Variants in PCLO observed in about 807,000 individuals in gnomAD.
The protein encoded by PCLO is piccolo presynaptic cytomatrix protein.
In PCLO, 82 loss-of-function variants were observed where a neutral mutation model predicts 427.5. The ratio of observed to expected loss-of-function variants is 0.19; its 90% CI spans 0.16 to 0.23. The LOEUF (loss-of-function observed/expected upper bound fraction) is 0.23. PCLO is among the 10% of genes least tolerant of loss of function. The pLI is 1.00. For synonymous variants in PCLO, 2,357 were observed against 2,155.4 expected, an observed-to-expected ratio of 1.09 and a Z score of -2.59; for missense variants, 6,239 against 6,115.9, an observed-to-expected ratio of 1.02 and a Z score of -0.67.
chr7:82,945,408 A>C (rs1795180397), intron 6 of PCLO, among the ~76,000 whole-genome samples: 1 of 151,916 alleles, frequency 6.6e-6, no homozygotes. Flanking sequence ...CTCCAAAAAA[A>C]TGATATATTG....
intron 16 of PCLO, among the ~76,000 whole-genome samples, chr7:82,833,928 G>A (rs879426214): frequency 3.2e-4 from 49 of 152,192 alleles, no homozygotes; most frequent in Non-Finnish European, 5.6e-4. Flanking sequence ...GCTTCTAAGT[G>A]ACAGGGCTAA....
intron 6 of PCLO, among the ~76,000 whole-genome samples, chr7:82,941,903 G>A (rs1795095668): frequency 6.6e-6 from 1 of 152,138 alleles, no homozygotes; most frequent in African/African-American, 2.4e-5. Context: ...GCGTGGCCAG[G>A]CACAGTGGCT....
intron 3 of PCLO, among the ~76,000 whole-genome samples, chr7:83,093,579 G>A (rs1372589213): frequency 2.0e-4 from 29 of 142,760 alleles, no homozygotes; most frequent in Non-Finnish European, 3.6e-4. Context: ...TGCAAGCTCC[G>A]CCTCCCGGGT....
intron 18 of PCLO, among the ~76,000 whole-genome samples, chr7:82,826,222 T>A (rs1055293481): frequency 1.3e-5 from 2 of 152,002 alleles, no homozygotes; most frequent in African/African-American, 2.4e-5. Context: ...AACAATGCAA[T>A]CAATATGTCA....
At chr7:82,964,767 T>G (rs1455198468) in intron 4 of PCLO, among the ~76,000 whole-genome samples, 1 of 152,146 alleles carries the variant, frequency 6.6e-6, no homozygotes, top group Non-Finnish European at 1.5e-5. Flanking sequence ...TATAGGCATC[T>G]TTTTGACTCT....
intron 20 of PCLO, chr7:82,820,832 T>G (rs1791773490): frequency 8.1e-7 from 1 of 1,231,192 alleles, no homozygotes; most frequent in South Asian, 4.1e-5. Context: ...GTTAGTAGCA[T>G]GCATTCCATT....
chr7:82,805,799 C>T lies in PCLO; in HGVS notation c.14822G>A (p.Ser4941Asn), dbSNP rs1273216197. The change falls in exon 21 of 25, where the codon AGC becomes AAC. Residue 4941 changes from serine to asparagine, a missense_variant. Ser to Asn is a conservative substitution (Grantham distance 46, BLOSUM62 1). Around this residue, in one of 5 missense-constraint regions of PCLO, gnomAD observed 877 missense variants for 925.5 expected, o/e 0.95. Transcript: ENST00000333891. ...TKPPNHRPAESSVSTGSSGSS... is the reference protein window; with the variant it reads ...TKPPNHRPAENSVSTGSSGSS... ...GCCCGAGGAGCCGGTGGACACAGAG[C>T]TTTCTGCAGGCCGGTGATTGGGAGG... The T allele has an allele frequency of 5.0e-6, 8 of 1,606,772 alleles. No individual in the cohort carries two copies. In the African/African-American group the frequency reaches 1.1e-4, roughly 21 times the overall value.
rs747435429 is a variant in PCLO, at chr7:82,953,074, T to C, written c.7879A>G (p.Thr2627Ala). Reference protein sequence around the residue: ...EPVFSVVPPVTAVEIPISSEQ... With the variant: ...EPVFSVVPPVAAVEIPISSEQ... The stretch of plus-strand genomic sequence containing the variant: ...GAAGAAATTGGAATTTCTACAGCTG[T>C]CACAGGAGGAACTACAGAAAACACA... The change falls in exon 5 of 25, where the codon ACA becomes GCA. Residue 2627 changes from threonine (T) to alanine (A), a missense_variant. Physicochemically the swap from Thr to Ala is moderately conservative, Grantham distance 58 (BLOSUM62 0). Around this residue, in one of 5 missense-constraint regions of PCLO, gnomAD observed 4,677 missense variants for 4,468.4 expected, o/e 1.05. Coordinates refer to ENST00000333891, the MANE Select transcript of PCLO (RefSeq NM_033026.6). The C allele has an allele frequency of 6.2e-7, 1 of 1,613,830 alleles. No individual in the cohort carries two copies. The highest frequency in any genetic ancestry group is 1.3e-5 in the African/African-American group (1 of 74,924).
At chr7:83,016,726 T>C (rs985901274) in intron 3 of PCLO, among the ~76,000 whole-genome samples, 1 of 152,042 alleles carries the variant, frequency 6.6e-6, no homozygotes, top group African/African-American at 2.4e-5. Flanking sequence ...GAAAAGTAAA[T>C]ATTATGAAAA....
chr7:82,993,450 T>G (rs1293890989), intron 3 of PCLO, among the ~76,000 whole-genome samples: 1 of 151,974 alleles, frequency 6.6e-6, no homozygotes, highest in African/African-American at 2.4e-5. Flanking sequence ...AGCCCTGAAT[T>G]TGAATTTTGG....
At chr7:82,819,492 G>A (rs1791745650) in intron 20 of PCLO, among the ~76,000 whole-genome samples, 1 of 152,098 alleles carries the variant, frequency 6.6e-6, no homozygotes, top group Non-Finnish European at 1.5e-5. Context: ...TTTAAAGAAC[G>A]TGAATAACAT....
intron 3 of PCLO, among the ~76,000 whole-genome samples, chr7:82,988,785 T>G (rs1796309850): frequency 1.3e-5 from 2 of 151,902 alleles, no homozygotes; most frequent in African/African-American, 4.8e-5. Flanking sequence ...TTTCAGAACA[T>G]TTACTTCTCA....
rs766588221 is a variant in PCLO at position 82,954,857 on chromosome 7, G to T, written c.6096C>A (p.Ser2032Arg). 2.1e-5 allele frequency: 34 copies of T among 1,613,744 alleles called. No homozygotes were observed. The highest frequency in any genetic ancestry group is 2.8e-5 in the Non-Finnish European group (33 of 1,179,844). Residue 2032 changes from serine to arginine, a missense_variant, in exon 5 of 25, where the codon AGC (serine) becomes AGA (arginine). Around this residue, in one of 5 missense-constraint regions of PCLO, gnomAD observed 4,677 missense variants for 4,468.4 expected, o/e 1.05. Coordinates refer to ENST00000333891, the MANE Select transcript of PCLO (RefSeq NM_033026.6). ...CATGGCTTTCTGGGATGATAAAAGA[G>T]CTTGAAACAATATCTTCCTGAGGCA... Reference protein sequence around the residue: ...SVVPQEDIVSSSFIIPESHEI... With the variant: ...SVVPQEDIVSRSFIIPESHEI...
At chr7:82,789,577 G>A (rs1791057979) in intron 22 of PCLO, among the ~76,000 whole-genome samples, 1 of 152,052 alleles carries the variant, frequency 6.6e-6, no homozygotes, top group Non-Finnish European at 1.5e-5. Context: ...GTGGTGGCAG[G>A]CACCTGTAAT....
chr7:82,842,372 C>T (rs191928430), intron 13 of PCLO, among the ~76,000 whole-genome samples: 2 of 152,040 alleles, frequency 1.3e-5, no homozygotes, highest in Non-Finnish European at 2.9e-5. Context: ...TTATCTCACA[C>T]CATATACAAA....
chr7:82,966,148 G>A lies in PCLO; in HGVS notation c.3640C>T (p.Leu1214Phe). The change falls in exon 4 of 25, where the codon CTC (leucine) becomes TTC (phenylalanine). Residue 1214 changes from leucine (L) to phenylalanine (F), a missense_variant. This residue lies in a region of PCLO where 4,677 missense variants were observed against 4,468.4 expected (regional missense o/e 1.05). Coordinates refer to ENST00000333891, the MANE Select transcript of PCLO (RefSeq NM_033026.6). ...KASALQEKKPLPEEKKLIPEE... is the reference protein window; with the variant it reads ...KASALQEKKPFPEEKKLIPEE... ...GGGATTAGTTTTTTTTCTTCAGGGA[G>A]TGGCTTTTTTTCTTGAAGAGCTGAA... 6.2e-7 allele frequency: 1 copy of A among 1,607,438 alleles called. No individual in the cohort carries two copies. The highest frequency in any genetic ancestry group is 8.5e-7 in the Non-Finnish European group (1 of 1,178,316).
intron 10 of PCLO, among the ~76,000 whole-genome samples, chr7:82,870,245 T>C (rs1298276975): frequency 2.0e-5 from 3 of 151,808 alleles, no homozygotes; most frequent in African/African-American, 2.4e-5. Context: ...AATAGACACA[T>C]AGACTAATGG....
intron 6 of PCLO, among the ~76,000 whole-genome samples, chr7:82,943,377 T>C (rs140010834): frequency 2.0e-5 from 3 of 152,228 alleles, no homozygotes; most frequent in African/African-American, 7.2e-5. Context: ...AACATTTTAA[T>C]TGTAGCTAAT....
intron 3 of PCLO, among the ~76,000 whole-genome samples, chr7:82,969,839 G>T (rs1373678978): frequency 6.6e-6 from 1 of 152,096 alleles, no homozygotes; most frequent in Non-Finnish European, 1.5e-5. Flanking sequence ...CAATGCAGAA[G>T]AGAGAGATAC....
Sources: allele counts gnomAD v4.1 joint callset (sites outside exome capture counted in the v4.1 genomes callset), GRCh38; gene constraint gnomAD v4.1.1; regional missense constraint gnomAD v4.1.1; transcripts MANE v1.5; gene names NCBI Gene and HGNC (gene_info 2026-07-23, HGNC 2026-07-21).